AGBL1: variants seen among roughly 807,000 people sequenced by gnomAD.
AGBL1 encodes AGBL carboxypeptidase 1.
AGBL1 carries 130 observed loss-of-function variants against 118.9 expected under a neutral mutation model. The ratio of observed to expected loss-of-function variants is 1.09; its 90% CI spans 0.95 to 1.26. The LOEUF (loss-of-function observed/expected upper bound fraction) is 1.26. AGBL1 is among the 50% of genes most tolerant of loss of function. The pLI is 0.00. For synonymous variants in AGBL1, 555 were observed against 478.9 expected, an observed-to-expected ratio of 1.16 and a Z score of -2.08; for missense variants, 1,584 against 1,298.1, an observed-to-expected ratio of 1.22 and a Z score of -3.38.
chr15:86,477,011 A>T (rs1005597740), intron 18 of AGBL1, among the ~76,000 whole-genome samples: 7 of 152,050 alleles, frequency 4.6e-5, no homozygotes, highest in African/African-American at 9.7e-5. Context: ...AAGGCAGAAA[A>T]AAAGATGTTC....
chr15:86,993,236 C>G (rs1433990469), intron 24 of AGBL1, among the ~76,000 whole-genome samples: 1 of 152,138 alleles, frequency 6.6e-6, no homozygotes, highest in Non-Finnish European at 1.5e-5. Flanking sequence ...CAGCTGGATC[C>G]TTATTTTTCT....
At chr15:86,885,385 A>G (rs189189015) in intron 22 of AGBL1, among the ~76,000 whole-genome samples, 11 of 152,356 alleles carry the variant, frequency 7.2e-5, no homozygotes, top group Admixed American at 7.2e-4. Flanking sequence ...TTGTGAAAAG[A>G]CAAGGTTTTT....
chr15:86,538,207 T>C (rs1386816540), intron 19 of AGBL1, among the ~76,000 whole-genome samples: 2 of 152,210 alleles, frequency 1.3e-5, no homozygotes, highest in Non-Finnish European at 1.5e-5. Context: ...GCTGCTTTTC[T>C]AAGGCCATGT....
intron 22 of AGBL1, among the ~76,000 whole-genome samples, chr15:86,741,425 T>C (rs542250647): frequency 1.8e-3 from 77 of 43,574 alleles, no homozygotes; most frequent in Non-Finnish European, 2.9e-3. Context: ...AAAAAAAGAA[T>C]TCAACCAGAT....
intron 23 of AGBL1, among the ~76,000 whole-genome samples, chr15:86,935,455 A>G (rs1433455): frequency 0.68 from 103,151 of 152,024 alleles, 35,781 homozygotes; most frequent in South Asian, 0.86. Context: ...GAGGCAAGCC[A>G]GCTAATGAGT....
chr15:86,887,510 A>G (rs916190730), intron 22 of AGBL1, among the ~76,000 whole-genome samples: 1 of 152,166 alleles, frequency 6.6e-6, no homozygotes, highest in Non-Finnish European at 1.5e-5. Context: ...CTATGCTTTC[A>G]TTTTAAGCTT....
intron 1 of AGBL1, among the ~76,000 whole-genome samples, chr15:86,119,860 A>G (rs541314852): frequency 2.0e-5 from 3 of 152,300 alleles, no homozygotes; most frequent in South Asian, 2.1e-4. Context: ...ACAAAAGTAG[A>G]AAGATTCGAG....
At chr15:86,770,293 T>A (rs987097469) in intron 22 of AGBL1, among the ~76,000 whole-genome samples, 3 of 151,940 alleles carry the variant, frequency 2.0e-5, no homozygotes, top group African/African-American at 7.2e-5. Context: ...CACAGTGCAG[T>A]GGTCCCTCCA....
chr15:86,410,142 A>C (rs1432178319), intron 18 of AGBL1, among the ~76,000 whole-genome samples: 1 of 152,160 alleles, frequency 6.6e-6, no homozygotes, highest in East Asian at 1.9e-4. Flanking sequence ...AATACATGAA[A>C]GCCTATAATG....
downstream of AGBL1, among the ~76,000 whole-genome samples, chr15:86,918,764 G>A (rs545167460): frequency 3.3e-5 from 5 of 152,192 alleles, no homozygotes; most frequent in Middle Eastern, 3.2e-3. Flanking sequence ...CACACTATAA[G>A]CTTCCCCTAG....
At chr15:86,648,085 C>G (rs2085314540) in intron 21 of AGBL1, among the ~76,000 whole-genome samples, 1 of 152,078 alleles carries the variant, frequency 6.6e-6, no homozygotes, top group Non-Finnish European at 1.5e-5. Flanking sequence ...CCTTTTAGGT[C>G]ATGATAAGGG....
At chr15:86,117,879 C>T (rs1226843492) in intron 1 of AGBL1, among the ~76,000 whole-genome samples, 4 of 152,122 alleles carry the variant, frequency 2.6e-5, no homozygotes, top group South Asian at 2.1e-4. Flanking sequence ...TGGATTGGTG[C>T]GGGAATCTGT....
In AGBL1 at chr15:86,978,079, C is replaced by G. The variant is rs145870419; in HGVS notation, c.3222-9908C>G. Among the ~76,000 whole-genome samples, 3 of 152,186 alleles carry G rather than the reference C, an allele frequency of 2.0e-5. No homozygotes were observed. In the East Asian group the frequency reaches 5.8e-4, roughly 29 times the overall value. On this transcript the variant is annotated intron_variant, in intron 23 of 24. Coordinates refer to the AGBL1 transcript ENST00000441037. ...TTATTTTAAACTAATGCTTACTTTT[C>G]TAATTCAGTTAAAACTGTCTATAAG...
At chr15:86,733,614 T>C (rs546676809) in intron 22 of AGBL1, among the ~76,000 whole-genome samples, 1 of 152,198 alleles carries the variant, frequency 6.6e-6, no homozygotes, top group Non-Finnish European at 1.5e-5. Context: ...GTTGTTGTTG[T>C]ATTTAAATAT....
At chr15:86,246,133 C>T (rs2078716908) in intron 6 of AGBL1, among the ~76,000 whole-genome samples, 2 of 152,206 alleles carry the variant, frequency 1.3e-5, no homozygotes, top group South Asian at 2.1e-4. Flanking sequence ...CGTCCTCCTG[C>T]CTCAGGCCCC....
chr15:86,158,557 A>C (rs1167092406), intron 4 of AGBL1, among the ~76,000 whole-genome samples: 1 of 152,244 alleles, frequency 6.6e-6, no homozygotes, highest in Non-Finnish European at 1.5e-5. Flanking sequence ...CTTGGAGACA[A>C]GAGTAATATC....
At chr15:86,565,728 G>T (rs1185324246) in intron 21 of AGBL1, among the ~76,000 whole-genome samples, 1 of 152,240 alleles carries the variant, frequency 6.6e-6, no homozygotes, top group Non-Finnish European at 1.5e-5. Context: ...TGCCTCCAGA[G>T]GTGGAGTCTA....
intron 1 of AGBL1, among the ~76,000 whole-genome samples, chr15:86,118,653 G>A (rs1897912475): frequency 6.6e-6 from 1 of 152,032 alleles, no homozygotes. Context: ...TTTCCTGGAG[G>A]CTCAGCCATT....
chr15:86,081,856 T>C (rs1466222080), intron 1 of AGBL1, among the ~76,000 whole-genome samples: 1 of 152,174 alleles, frequency 6.6e-6, no homozygotes, highest in Non-Finnish European at 1.5e-5. Flanking sequence ...GGCCTCAAAG[T>C]CACTTCAGGT....
Sources: allele counts gnomAD v4.1 joint callset (sites outside exome capture counted in the v4.1 genomes callset), GRCh38; gene constraint gnomAD v4.1.1; transcripts MANE v1.5; gene names NCBI Gene and HGNC (gene_info 2026-07-23, HGNC 2026-07-21).